Variants in DNAJC4 observed in about 807,000 individuals in gnomAD.
DNAJC4 encodes the protein DnaJ heat shock protein family (Hsp40) member C4.
A neutral mutation model predicts 26.8 loss-of-function variants in DNAJC4; 26 were observed. That is an observed-to-expected ratio of 0.97 (90% CI 0.71 to 1.34). The LOEUF is 1.34. DNAJC4 is among the 40% of genes most tolerant of loss of function. DNAJC4 has a pLI of 0.00. For missense variants in DNAJC4, 342 were observed against 321.1 expected, an observed-to-expected ratio of 1.07 and a Z score of -0.50; for synonymous variants, 134 against 127.8, an observed-to-expected ratio of 1.05 and a Z score of -0.33.
chr11:64,234,096 A>G lies in DNAJC4; in HGVS notation c.638A>G (p.Gln213Arg). ...RARANRGILQ[Q>R]ERQRLGQRQP... ...AGGGCCAACAGAGGCATCCTTCAGC[A>G]GGAGCGACAACGGCTAGGGCAGCGG... Residue 213 changes from glutamine to arginine, a missense_variant, in exon 6 of 6, where the codon CAG becomes CGG. Physicochemically the swap from Gln to Arg is conservative, Grantham distance 43. Coordinates refer to ENST00000628077, the MANE Select transcript of DNAJC4 (RefSeq NM_005528.4). The surrounding 1 kb of genome is among the most constrained non-coding windows in gnomAD (Gnocchi z 5.3). 2 of 1,611,196 alleles carry G rather than the reference A, an allele frequency of 1.2e-6. No individual in the cohort carries two copies. The highest frequency in any genetic ancestry group is 1.7e-6 in the Non-Finnish European group (2 of 1,179,336).
intron 1 of DNAJC4, 100 bp downstream of exon 1, chr11:64,231,040 C>A: frequency 6.9e-7 from 1 of 1,454,804 alleles, no homozygotes; most frequent in Non-Finnish European, 9.3e-7. Context: ...AGGAGGCTCC[C>A]AGGTTTGTCT....
At chr11:64,232,062 G>A (rs529254955) in intron 2 of DNAJC4, 98 bp downstream of exon 2, 5 of 1,286,306 alleles carry the variant, frequency 3.9e-6, no homozygotes, top group African/African-American at 1.5e-5. Context: ...TCTGGCGGGT[G>A]CCACATTTTT....
chr11:64,232,027 A>G (rs1239114746), intron 2 of DNAJC4, 63 bp downstream of exon 2: 4 of 1,545,700 alleles, frequency 2.6e-6, no homozygotes, highest in Non-Finnish European at 3.6e-6. Context: ...GGTGTGCTTC[A>G]AATTCCCAGG....
At chr11:64,231,017 T>C in intron 1 of DNAJC4, 77 bp downstream of exon 1, 1 of 1,511,546 alleles carries the variant, frequency 6.6e-7, no homozygotes, top group South Asian at 1.2e-5. Flanking sequence ...AGTTGTGGTC[T>C]CTACTCCGTG....
In DNAJC4 at chr11:64,231,966, T is replaced by A. The variant is rs759451671; in HGVS notation, c.180+2T>A. On this transcript the variant is annotated splice_donor_variant, in intron 2 of 5. Transcript: ENST00000628077. LOFTEE classifies it high-confidence loss of function. ...GCTTTCTTCTCCAAGTCCAAAGAGG[T>A]ACCCGTACCCCTGAGGTGGGGAGGG... is the stretch of plus-strand genomic sequence containing the variant. The A allele has an allele frequency of 5.0e-6, 8 of 1,613,800 alleles. No homozygotes were observed. Among genetic ancestry groups the A allele is most frequent in the Non-Finnish European group, 6.8e-6 (8 of 1,179,934 alleles).
rs1462329585 is a variant in DNAJC4, at chr11:64,231,858, ACT to A, written c.87-10_87-9del. On this transcript the variant is annotated splice_polypyrimidine_tract_variant and intron_variant, in intron 1 of 5. Coordinates refer to ENST00000628077, the MANE Select transcript of DNAJC4 (RefSeq NM_005528.4). Reference sequence around the variant, plus strand: ...TCCTTCAGCCCCTGCAAGGTTTGGGACTCTGTCCACAGGTCCAGACCCAGTAC... The same window carrying A: ...TCCTTCAGCCCCTGCAAGGTTTGGGACTGTCCACAGGTCCAGACCCAGTAC... 4 of 1,613,344 alleles carry A rather than the reference ACT, an allele frequency of 2.5e-6. No homozygotes were observed. The African/African-American group carries it at 5.3e-5, about 22-fold the overall frequency.
intron 1 of DNAJC4, 44 bp downstream of exon 1, chr11:64,230,984 C>T (rs771076136): frequency 6.5e-6 from 10 of 1,534,832 alleles, no homozygotes; most frequent in South Asian, 1.2e-5. Context: ...CAATGGGTTT[C>T]TGTTTGCCCT....
intron 4 of DNAJC4, chr11:64,233,493 A>T: frequency 5.3e-6 from 1 of 190,314 alleles, no homozygotes; most frequent in South Asian, 1.0e-4. Flanking sequence ...CACCCGCCTC[A>T]GCCTCCCAAA....
chr11:64,230,630 C>G lies in DNAJC4; in HGVS notation c.-225C>G, dbSNP rs1947161152. On this transcript the variant is annotated 5_prime_UTR_variant, in exon 1 of 6. Transcript: ENST00000628077. The stretch of plus-strand genomic sequence containing the variant: ...CTGGGTGGCCAGACCCCGAAGCCAG[C>G]GCTGGGAAGGGCTGCGGATGCCCGG... 2 of 654,858 alleles carry G rather than the reference C, an allele frequency of 3.1e-6. No homozygotes were observed. Among genetic ancestry groups the G allele is most frequent in the Admixed American group, 5.3e-5 (2 of 37,516 alleles). 40.6% of individuals were successfully genotyped at this position (654,858 alleles called of 1,614,324 possible). A position where few individuals can be genotyped will look rare whatever the true frequency, so the allele number is the denominator to read the frequency against.
chr11:64,231,101 A>G, intron 1 of DNAJC4, 161 bp downstream of exon 1: 1 of 928,240 alleles, frequency 1.1e-6, no homozygotes, highest in Non-Finnish European at 1.7e-6. Context: ...GAAGACCCCC[A>G]AGGTCATACA....
Position 64,230,876 on chromosome 11 carries a change from CGCCTGT to C in DNAJC4, c.26_31del (p.Leu9_Cys10del), listed in dbSNP as rs1947165608. 6.3e-7 allele frequency: 1 copy of C among 1,598,952 alleles called. No homozygotes were observed. The highest frequency in any genetic ancestry group is 8.5e-7 in the Non-Finnish European group (1 of 1,175,290). ...CGCCATGCCGCCCTTACTGCCCCTG[CGCCTGT>C]GCCGGCTGTGGCCCCGCAACCCTCC... On this transcript the variant is annotated inframe_deletion, in exon 1 of 6. Transcript: ENST00000628077.
In DNAJC4 at chr11:64,233,956, A is replaced by C. The variant is rs1217349161; in HGVS notation, c.590A>C (p.Tyr197Ser). 1 of 1,614,114 alleles carries C rather than the reference A, an allele frequency of 6.2e-7. No individual in the cohort carries two copies. The highest frequency in any genetic ancestry group is 1.1e-5 in the South Asian group (1 of 91,086). The change falls in exon 5 of 6, where the codon TAC becomes TCC. Residue 197 changes from tyrosine (Y) to serine (S), a missense_variant. Transcript: ENST00000628077. ...DEKDRIITAF[Y>S]NEARARARAN... ...AAGGATCGGATCATCACAGCCTTCT[A>C]CAACGAAGCCCGGGCACGGGCCAGG...
At position 64,234,241 on chromosome 11, in the gene DNAJC4, G is replaced by C. The variant is rs957462676; in HGVS notation, c.*57G>C. The C allele has an allele frequency of 5.3e-6, 8 of 1,515,460 alleles. No individual in the cohort carries two copies. Among genetic ancestry groups the C allele is most frequent in the Non-Finnish European group, 2.6e-6 (3 of 1,134,796 alleles). 93.9% of individuals were successfully genotyped at this position (1,515,460 alleles called of 1,614,324 possible). A position where few individuals can be genotyped will look rare whatever the true frequency, so the allele number is the denominator to read the frequency against. ...TCCCGCTTTGCTTCCTTCCCTGGAC[G>C]GCCCGCTCCCCGAAACGCGCGCAAT... On this transcript the variant is annotated 3_prime_UTR_variant, in exon 6 of 6. Coordinates refer to ENST00000628077, the MANE Select transcript of DNAJC4 (RefSeq NM_005528.4). The surrounding 1 kb of genome is among the most constrained non-coding windows in gnomAD (Gnocchi z 5.3).
intron 4 of DNAJC4, 197 bp downstream of exon 4, chr11:64,233,062 T>C: frequency 2.0e-6 from 1 of 506,768 alleles, no homozygotes; most frequent in Non-Finnish European, 3.1e-6. Flanking sequence ...CGTTGTCATT[T>C]ACAGTTTTTC....
At chr11:64,233,056 G>C in intron 4 of DNAJC4, 191 bp downstream of exon 4, 1 of 509,900 alleles carries the variant, frequency 2.0e-6, no homozygotes, top group Non-Finnish European at 3.1e-6. Context: ...AGCTAACGTT[G>C]TCATTTACAG....
At chr11:64,232,036 G>A in intron 2 of DNAJC4, 72 bp downstream of exon 2, 2 of 1,496,806 alleles carry the variant, frequency 1.3e-6, no homozygotes, top group Non-Finnish European at 1.9e-6. Flanking sequence ...CAAATTCCCA[G>A]GAGTAGACCA....
rs770623238 is a variant in DNAJC4 at position 64,234,232 on chromosome 11, T to A, written c.*48T>A. On this transcript the variant is annotated 3_prime_UTR_variant, in exon 6 of 6. Coordinates refer to ENST00000628077, the MANE Select transcript of DNAJC4 (RefSeq NM_005528.4). The surrounding 1 kb of genome is among the most constrained non-coding windows in gnomAD (Gnocchi z 5.3). The stretch of plus-strand genomic sequence containing the variant: ...GCAGTGCGTTCCCGCTTTGCTTCCT[T>A]CCCTGGACGGCCCGCTCCCCGAAAC... 11 of 1,522,426 alleles carry A rather than the reference T, an allele frequency of 7.2e-6. No individual in the cohort carries two copies. In the South Asian group the frequency reaches 1.3e-4, roughly 18 times the overall value. The allele number at this position is 1,522,426 out of a possible 1,614,324, so 94.3% of individuals were successfully genotyped here.
At chr11:64,232,044 C>A in intron 2 of DNAJC4, 80 bp downstream of exon 2, 2 of 1,450,872 alleles carry the variant, frequency 1.4e-6, no homozygotes, top group Non-Finnish European at 1.9e-6. Flanking sequence ...CAGGAGTAGA[C>A]CAGCATCTCT....
intron 1 of DNAJC4, 53 bp downstream of exon 1, chr11:64,230,993 C>T: frequency 5.2e-6 from 8 of 1,532,536 alleles, no homozygotes; most frequent in Non-Finnish European, 7.0e-6. Flanking sequence ...TCTGTTTGCC[C>T]TACGTGCTGA....
Sources: gnomAD v4.1 joint callset for allele counts on GRCh38, gnomAD v4.1.1 for gene constraint, Gnocchi (gnomAD v3.1) non-coding constraint, MANE v1.5 for transcripts, NCBI Gene and HGNC (gene_info 2026-07-23, HGNC 2026-07-21) for gene names.